SHQ1: variants seen among roughly 807,000 people sequenced by gnomAD.
SHQ1 encodes protein SHQ1 homolog.
SHQ1 carries 49 observed loss-of-function variants against 53.8 expected under a neutral mutation model. The observed-to-expected ratio is 0.91, with a 90% CI of 0.72 to 1.16. SHQ1 has a LOEUF of 1.16. SHQ1 is among the 50% of genes most tolerant of loss of function. The pLI is 0.00. For synonymous variants in SHQ1, 243 were observed against 251.0 expected (o/e 0.97, Z 0.30); for missense variants, 738 against 683.1 (o/e 1.08, Z -0.90).
intron 10 of SHQ1, among the ~76,000 whole-genome samples, chr3:72,762,047 A>G (rs77262863): frequency 0.034 from 5,175 of 152,318 alleles, 119 homozygotes; most frequent in Middle Eastern, 0.071. Context: ...CAGTCTGCAC[A>G]TAAACATGTA....
At chr3:72,845,509 A>G (rs1708302538) in intron 1 of SHQ1, among the ~76,000 whole-genome samples, 1 of 152,048 alleles carries the variant, frequency 6.6e-6, no homozygotes, top group Admixed American at 6.6e-5. Context: ...GAAAAAAGAA[A>G]TGAAGTGATT....
chr3:72,825,360 C>CCACACACACACACA (rs1707618154), intron 5 of SHQ1, among the ~76,000 whole-genome samples: 2 of 115,166 alleles, frequency 1.7e-5, no homozygotes, highest in African/African-American at 9.6e-5. Context: ...CTAAAAGGGG[C>CCACACACACACACA]TACACACACA....
At chr3:72,803,305 G>A (rs923301111) in intron 9 of SHQ1, among the ~76,000 whole-genome samples, 1 of 152,064 alleles carries the variant, frequency 6.6e-6, no homozygotes, top group African/African-American at 2.4e-5. Flanking sequence ...GCAACAGTAG[G>A]CTACAGTCGA....
At chr3:72,805,618 C>T (rs2106836442) in intron 9 of SHQ1, among the ~76,000 whole-genome samples, 1 of 152,040 alleles carries the variant, frequency 6.6e-6, no homozygotes, top group South Asian at 2.1e-4. Context: ...TCAGAAACTG[C>T]TGAAATTAAC....
intron 6 of SHQ1, among the ~76,000 whole-genome samples, chr3:72,818,933 CAT>C (rs1707395230): frequency 6.6e-6 from 1 of 152,166 alleles, no homozygotes; most frequent in African/African-American, 2.4e-5. Flanking sequence ...TGCCAACAAT[CAT>C]GTGAGATTGG....
chr3:72,801,914 T>C (rs1706800127), intron 9 of SHQ1, among the ~76,000 whole-genome samples: 1 of 152,220 alleles, frequency 6.6e-6, no homozygotes, highest in Non-Finnish European at 1.5e-5. Context: ...TCTTATGCAG[T>C]TCTTAGCTAA....
chr3:72,787,592 A>G (rs1418174149), intron 10 of SHQ1, among the ~76,000 whole-genome samples: 1 of 152,162 alleles, frequency 6.6e-6, no homozygotes, highest in Non-Finnish European at 1.5e-5. Context: ...TCTGTAATGG[A>G]TATTATGTTA....
chr3:72,780,053 C>G (rs1262711471), intron 10 of SHQ1, among the ~76,000 whole-genome samples: 1 of 152,162 alleles, frequency 6.6e-6, no homozygotes, highest in Non-Finnish European at 1.5e-5. Flanking sequence ...CTGAGCAACA[C>G]AGCAAGACCC....
intron 9 of SHQ1, among the ~76,000 whole-genome samples, chr3:72,802,983 C>G (rs1706834740): frequency 1.3e-5 from 2 of 152,170 alleles, no homozygotes; most frequent in Admixed American, 6.5e-5. Flanking sequence ...ATCTTAGAAC[C>G]TGTATCAGGT....
chr3:72,785,358 T>C (rs975818542), intron 10 of SHQ1, among the ~76,000 whole-genome samples: 2 of 152,282 alleles, frequency 1.3e-5, no homozygotes, highest in Middle Eastern at 3.4e-3. Context: ...TGACAAGAAG[T>C]AGTCATGAGC....
chr3:72,777,083 A>C (rs1334260687), intron 10 of SHQ1, among the ~76,000 whole-genome samples: 1 of 152,228 alleles, frequency 6.6e-6, no homozygotes, highest in African/African-American at 2.4e-5. Flanking sequence ...TAAATGCAAA[A>C]TGCAAAAGAA....
intron 9 of SHQ1, among the ~76,000 whole-genome samples, chr3:72,796,995 T>G (rs1371836011): frequency 6.8e-6 from 1 of 148,110 alleles, no homozygotes. Flanking sequence ...CAGTGGCTCA[T>G]GCTTGTAATC....
chr3:72,812,934 A>C, intron 8 of SHQ1, 140 bp from the exon 9 acceptor site: 1 of 853,274 alleles, frequency 1.2e-6, no homozygotes, highest in Non-Finnish European at 1.8e-6. Context: ...GAAACATAAA[A>C]CCATGAAATA....
In SHQ1 at chr3:72,833,491, T is replaced by C. The variant is rs201893602; in HGVS notation, c.487-1010A>G. 7.2e-4 allele frequency among the ~76,000 whole-genome samples: 69 copies of C among 96,232 alleles called. 1 individual carries two copies. The highest frequency in any genetic ancestry group is 1.4e-3 in the Admixed American group (14 of 10,014). The allele number at this position is 96,232 out of a possible 152,430, so 63.1% of individuals were successfully genotyped here. On this transcript the variant is annotated intron_variant, in intron 4 of 10. Transcript: ENST00000325599. Reference sequence around the variant, plus strand: ...ATAGATAGATAGATAGATAGATAGATAGATAGATAGACAGACAGACAGACA... The same window carrying C: ...ATAGATAGATAGATAGATAGATAGACAGATAGATAGACAGACAGACAGACA...
At chr3:72,823,232 T>G (rs1011978852) in intron 6 of SHQ1, among the ~76,000 whole-genome samples, 2 of 152,012 alleles carry the variant, frequency 1.3e-5, no homozygotes, top group Admixed American at 1.3e-4. Flanking sequence ...AATATTATAG[T>G]AGCAATTTTT....
Position 72,848,405 on chromosome 3 carries a change from ACT to A in SHQ1, c.-67_-66del. Reference sequence around the variant, plus strand: ...CTGCCGCCGCGTTCCCGCCACGCAAACTCTCCAACTCCCCACGCGCAGGAACT... The same window carrying A: ...CTGCCGCCGCGTTCCCGCCACGCAAACTCCAACTCCCCACGCGCAGGAACT... On this transcript the variant is annotated 5_prime_UTR_variant, in exon 1 of 11. Coordinates refer to ENST00000325599, the MANE Select transcript of SHQ1 (RefSeq NM_018130.3). The A allele has an allele frequency of 6.3e-7, 1 of 1,588,974 alleles. No individual in the cohort carries two copies. The highest frequency in any genetic ancestry group is 8.6e-7 in the Non-Finnish European group (1 of 1,167,748).
the SHQ1 span, among the ~76,000 whole-genome samples, chr3:72,732,168 G>A: frequency 6.6e-6 from 1 of 151,458 alleles, no homozygotes; most frequent in Non-Finnish European, 1.5e-5. Context: ...TCCAATTAAG[G>A]CTCAGGGCAG....
chr3:72,746,180 C>G (rs932952968), downstream of SHQ1, among the ~76,000 whole-genome samples: 2 of 152,020 alleles, frequency 1.3e-5, no homozygotes, highest in South Asian at 2.1e-4. Context: ...CGTTTGGAGT[C>G]CCCCCCTCGT....
At chr3:72,835,104 TTC>T (rs1208085685) in intron 4 of SHQ1, among the ~76,000 whole-genome samples, 2 of 148,862 alleles carry the variant, frequency 1.3e-5, no homozygotes, top group African/African-American at 5.1e-5. Context: ...CTCCATCAGC[TTC>T]TTTTTTTTTT....
Sources: gnomAD v4.1 joint callset for allele counts (sites outside exome capture counted in the v4.1 genomes callset) on GRCh38, gnomAD v4.1.1 for gene constraint, MANE v1.5 for transcripts, NCBI Gene and HGNC (gene_info 2026-07-23, HGNC 2026-07-21) for gene names.